Variants in GGN observed in about 807,000 individuals in gnomAD.
GGN encodes the protein gametogenetin.
GGN carries 27 observed loss-of-function variants against 35.5 expected under a neutral mutation model. That is an observed-to-expected ratio of 0.76 (90% CI 0.56 to 1.05). GGN has a LOEUF of 1.05. Among genes scored for constraint, GGN ranks in the 50% least tolerant of loss-of-function variants. The probability of loss-of-function intolerance (pLI) is 0.00; values close to 1 mark genes in which losing one functional copy is unlikely to be tolerated. For synonymous variants in GGN, 425 were observed against 444.1 expected (o/e 0.96, Z 0.54); for missense variants, 1,006 against 940.7 (o/e 1.07, Z -0.91).
At chr19:38,388,366 A>G (rs1303716814), upstream of GGN, 3 of 396,326 alleles carry the variant, frequency 7.6e-6, no homozygotes, top group African/African-American at 6.2e-5. Context: ...CCACTTGTGA[A>G]GGCTCCCCTC....
At position 38,387,244 on chromosome 19, in the gene GGN, C is replaced by A. The variant is rs751229297; in HGVS notation, c.18G>T (p.Ser6=). 12 of 1,595,352 alleles carry A rather than the reference C, an allele frequency of 7.5e-6. No individual in the cohort carries two copies. The South Asian group carries it at 1.4e-4, about 18-fold the overall frequency. The change falls in exon 3 of 4, where the codon TCG becomes TCT. Residue 6 remains serine, a synonymous_variant. Coordinates refer to ENST00000334928, the MANE Select transcript of GGN (RefSeq NM_152657.4). The surrounding 1 kb of genome is among the most constrained non-coding windows in gnomAD (Gnocchi z 5.3). MGNLQ[S]EPSAGGGSRK... The stretch of plus-strand genomic sequence containing the variant: ...GGGAGCCCCCGCCCGCGGATGGCTC[C>A]GACTGCAAGTTCCCCATTTCTGACG...
rs1229956076 is a variant in GGN, at chr19:38,385,722, G to A, written c.1540C>T (p.Pro514Ser). 2 of 1,608,126 alleles carry A rather than the reference G, an allele frequency of 1.2e-6. No homozygotes were observed. Among genetic ancestry groups the A allele is most frequent in the African/African-American group, 1.3e-5 (1 of 74,448 alleles). ...TTGATGGGCGCAGCCGCGGGTGCGG[G>A]CGCGGACACAGGCGGCGAGGGCTCA... is the stretch of plus-strand genomic sequence containing the variant. Reference protein sequence around the residue: ...VAEPSPPVSAPAPAAAPIKTR... With the variant: ...VAEPSPPVSASAPAAAPIKTR... Residue 514 changes from proline to serine, a missense_variant, in exon 3 of 4, where the codon CCC becomes TCC. Pro to Ser is a moderately conservative substitution (Grantham distance 74). Coordinates refer to ENST00000334928, the MANE Select transcript of GGN (RefSeq NM_152657.4).
chr19:38,385,725 C>T lies in GGN; in HGVS notation c.1537G>A (p.Ala513Thr), dbSNP rs1214717078. 4 of 1,607,974 alleles carry T rather than the reference C, an allele frequency of 2.5e-6. No homozygotes were observed. The highest frequency in any genetic ancestry group is 1.7e-6 in the Non-Finnish European group (2 of 1,177,868). The stretch of plus-strand genomic sequence containing the variant: ...ATGGGCGCAGCCGCGGGTGCGGGCG[C>T]GGACACAGGCGGCGAGGGCTCAGCC... The part of the protein sequence containing the change: ...TVAEPSPPVS[A>T]PAPAAAPIKT... Residue 513 changes from alanine to threonine, a missense_variant, in exon 3 of 4, where the codon GCG becomes ACG. Coordinates refer to ENST00000334928, the MANE Select transcript of GGN (RefSeq NM_152657.4).
chr19:38,385,854 C>G lies in GGN; in HGVS notation c.1408G>C (p.Gly470Arg). The change falls in exon 3 of 4, where the codon GGC (glycine) becomes CGC (arginine). Residue 470 changes from glycine to arginine, a missense_variant. Gly to Arg is a moderately radical substitution (Grantham distance 125). Transcript: ENST00000334928. ...GGAGCCAGGGCTGACTCCTTGTGGC[C>G]CAGACCCGGGGTGAGCGGGGGAGCC... ...PVAPPLTPGLGHKESALAPTA... is the reference protein window; with the variant it reads ...PVAPPLTPGLRHKESALAPTA... The G allele has an allele frequency of 6.5e-7, 1 of 1,543,118 alleles. No homozygotes were observed.
upstream of GGN, among the ~76,000 whole-genome samples, chr19:38,388,253 G>A (rs942050844): frequency 6.6e-6 from 1 of 151,362 alleles, no homozygotes; most frequent in Non-Finnish European, 1.5e-5. Context: ...CCCCCCGGGC[G>A]CCGAGAAGGC....
In GGN at chr19:38,385,936, C is replaced by T. The variant is rs373601877; in HGVS notation, c.1326G>A (p.Pro442=). 179 of 1,585,204 alleles carry T rather than the reference C, an allele frequency of 1.1e-4. No individual in the cohort carries two copies. Among genetic ancestry groups the T allele is most frequent in the Non-Finnish European group, 1.4e-4 (169 of 1,167,268 alleles). The change falls in exon 3 of 4, where the codon CCG becomes CCA. Residue 442 remains proline (P), a synonymous_variant. Coordinates refer to ENST00000334928, the MANE Select transcript of GGN (RefSeq NM_152657.4). ...GCTGCAGTGTGGGCGGCGGTGTGGG[C>T]GGTGGCAGCGGTGGTAACTCCTGCA... ...PGLQELPPLP[P]PTPPPTLQPP...
At position 38,386,340 on chromosome 19, in the gene GGN, C is replaced by T; in HGVS notation, c.922G>A (p.Gly308Arg). ...TCACCTCCCTCGGCTTCCTGTGCCCCTCGAGAAACCTCTCCCAAGGGGCGA... is the reference window on the plus strand; with the variant it reads ...TCACCTCCCTCGGCTTCCTGTGCCCTTCGAGAAACCTCTCCCAAGGGGCGA... ...AARPLGEVSRGAQEAEGGDGD... is the reference protein window; with the variant it reads ...AARPLGEVSRRAQEAEGGDGD... Residue 308 changes from glycine to arginine, a missense_variant, in exon 3 of 4, where the codon GGG becomes AGG. By Grantham distance (125) the Gly-to-Arg change is moderately radical. Transcript: ENST00000334928. The T allele has an allele frequency of 6.2e-7, 1 of 1,612,560 alleles. No individual in the cohort carries two copies. The highest frequency in any genetic ancestry group is 1.7e-5 in the Admixed American group (1 of 59,892).
In GGN at chr19:38,387,177, T is replaced by G; in HGVS notation, c.85A>C (p.Thr29Pro). 1 of 1,589,078 alleles carries G rather than the reference T, an allele frequency of 6.3e-7. No homozygotes were observed. Among genetic ancestry groups the G allele is most frequent in the Non-Finnish European group, 8.6e-7 (1 of 1,167,990 alleles). Residue 29 changes from threonine to proline, a missense_variant, in exon 3 of 4, where the codon ACG (threonine) becomes CCG (proline). Thr to Pro is a conservative substitution (Grantham distance 38, BLOSUM62 -1). Transcript: ENST00000334928. The surrounding 1 kb of genome is among the most constrained non-coding windows in gnomAD (Gnocchi z 5.3). ...GTCATCTCGGGCTCCACCAGGGACG[T>G]CCGGCGGGAGTCGGGGGCGCGGTCC... The part of the protein sequence containing the change: ...PSDRAPDSRR[T>P]SLVEPEMTSQ...
Position 38,387,011 on chromosome 19 carries a change from A to G in GGN, c.251T>C (p.Met84Thr), listed in dbSNP as rs1240901714. 28 of 1,541,986 alleles carry G rather than the reference A, an allele frequency of 1.8e-5. No individual in the cohort carries two copies. Among genetic ancestry groups the G allele is most frequent in the Non-Finnish European group, 2.3e-5 (26 of 1,143,096 alleles). ...PLTLERPSPV[M>T]PPPEEAAAVS... Reference sequence around the variant, plus strand: ...CGCGGCCGCCTCTTCAGGAGGGGGCATCACTGGAGAGGGCCGTTCTAAGGT... The same window carrying G: ...CGCGGCCGCCTCTTCAGGAGGGGGCGTCACTGGAGAGGGCCGTTCTAAGGT... The change falls in exon 3 of 4, where the codon ATG (methionine) becomes ACG (threonine). Residue 84 changes from methionine to threonine, a missense_variant. By Grantham distance (81) the Met-to-Thr change is moderately conservative (BLOSUM62 -1). Transcript: ENST00000334928. This position sits in a 1 kb window ranked among gnomAD's most constrained non-coding sequence, Gnocchi z 5.3.
chr19:38,385,598 G>T lies in GGN; in HGVS notation c.1664C>A (p.Thr555Asn), dbSNP rs535213362. The T allele has an allele frequency of 6.2e-6, 10 of 1,614,176 alleles. No individual in the cohort carries two copies. The African/African-American group carries it at 8.0e-5, about 13-fold the overall frequency. The change falls in exon 3 of 4, where the codon ACC becomes AAC. Residue 555 changes from threonine to asparagine, a missense_variant. Coordinates refer to ENST00000334928, the MANE Select transcript of GGN (RefSeq NM_152657.4). ...CCCTCCACCACTGCTGTCAGGCACG[G>T]TAGCTGTAGCTCGTTCGCGAGGACC... ...GDGPRERATATVPDSSGGGGG... is the reference protein window; with the variant it reads ...GDGPRERATANVPDSSGGGGG...
chr19:38,384,577 C>T, intron 3 of GGN, 48 bp from the exon 4 acceptor site: 1 of 1,407,694 alleles, frequency 7.1e-7, no homozygotes, highest in African/African-American at 1.4e-5. Context: ...GGGACCAGGC[C>T]TCTAGCCCTT....
upstream of GGN, chr19:38,388,134 C>G (rs1354752550): frequency 5.7e-6 from 1 of 175,810 alleles, no homozygotes; most frequent in East Asian, 1.6e-4. Flanking sequence ...AACACCGATG[C>G]GTCGCTCCTC....
rs896379598 is a variant in GGN at position 38,387,663 on chromosome 19, T to C, written c.-20+98A>G. 1.1e-4 allele frequency: 21 copies of C among 184,982 alleles called. No individual in the cohort carries two copies. Among genetic ancestry groups the C allele is most frequent in the African/African-American group, 5.0e-4 (21 of 42,380 alleles). 11.5% of individuals were successfully genotyped at this position (184,982 alleles called of 1,614,324 possible). A position where few individuals can be genotyped will look rare whatever the true frequency, so the allele number is the denominator to read the frequency against. ...CCTCAGGCCTCACCCCTAAACCTCT[T>C]CCCGCTCCAGGTCTACTAGCTGGCA... On this transcript the variant is annotated intron_variant, in intron 2 of 3. Coordinates refer to ENST00000334928, the MANE Select transcript of GGN (RefSeq NM_152657.4). The surrounding 1 kb of genome is among the most constrained non-coding windows in gnomAD (Gnocchi z 5.3).
intron 3 of GGN, 140 bp downstream of exon 3, chr19:38,385,281 G>T: frequency 8.6e-7 from 1 of 1,168,046 alleles, no homozygotes; most frequent in Non-Finnish European, 1.2e-6. Flanking sequence ...TGGTCCTGAA[G>T]GGTGGGAGCT....
chr19:38,385,548 T>C lies in GGN; in HGVS notation c.1714A>G (p.Thr572Ala), dbSNP rs1414344057. 1 of 1,614,072 alleles carries C rather than the reference T, an allele frequency of 6.2e-7. No homozygotes were observed. Among genetic ancestry groups the C allele is most frequent in the South Asian group, 1.1e-5 (1 of 91,076 alleles). Residue 572 changes from threonine (T) to alanine (A), a missense_variant, in exon 3 of 4, where the codon ACT becomes GCT. Physicochemically the swap from Thr to Ala is moderately conservative, Grantham distance 58 (BLOSUM62 0). Coordinates refer to ENST00000334928, the MANE Select transcript of GGN (RefSeq NM_152657.4). ...GCAGCGCGGGTGTTAGCTGCCCCAG[T>C]CTGAGAGGCCCCGCTGCCACCACCC... ...GGGGGSGASQTGAANTRAARH... is the reference protein window; with the variant it reads ...GGGGGSGASQAGAANTRAARH...
In GGN at chr19:38,385,544, CCA is replaced by C. The variant is rs1568390324; in HGVS notation, c.1716_1717del (p.Ala574SerfsTer2). The C allele has an allele frequency of 6.2e-7, 1 of 1,614,088 alleles. No homozygotes were observed. ...GCGCGCAGCGCGGGTGTTAGCTGCC[CCA>C]GTCTGAGAGGCCCCGCTGCCACCAC... On this transcript the variant is annotated frameshift_variant, in exon 3 of 4. Coordinates refer to ENST00000334928, the MANE Select transcript of GGN (RefSeq NM_152657.4). LOFTEE classifies it high-confidence loss of function.
Position 38,386,556 on chromosome 19 carries a change from C to G in GGN, c.706G>C (p.Glu236Gln), listed in dbSNP as rs1049423842. 6 of 1,613,606 alleles carry G rather than the reference C, an allele frequency of 3.7e-6. No homozygotes were observed. The highest frequency in any genetic ancestry group is 5.1e-6 in the Non-Finnish European group (6 of 1,179,962). ...EGEMAQPADS[E>Q]SGLSLLCKIT... is the part of the protein sequence containing the mutation. ...TTACACAGCAGGCTCAGACCGGACT[C>G]GGAATCCGCAGGCTGGGCCATTTCG... The change falls in exon 3 of 4, where the codon GAG becomes CAG. Residue 236 changes from glutamate (E) to glutamine (Q), a missense_variant. Transcript: ENST00000334928.
chr19:38,385,794 C>A lies in GGN; in HGVS notation c.1468G>T (p.Ala490Ser). Residue 490 changes from alanine (A) to serine (S), a missense_variant, in exon 3 of 4, where the codon GCC becomes TCC. By Grantham distance (99) the Ala-to-Ser change is moderately conservative. Coordinates refer to ENST00000334928, the MANE Select transcript of GGN (RefSeq NM_152657.4). ...AAPALPPALA[A>S]DQAPAPSPAP... is the part of the protein sequence containing the mutation. ...GGGGATGGGGCCGGGGCCTGGTCGG[C>A]GGCTAAGGCTGGGGGCAGAGCAGGG... The A allele has an allele frequency of 6.6e-7, 1 of 1,513,560 alleles. No individual in the cohort carries two copies. The highest frequency in any genetic ancestry group is 8.8e-7 in the Non-Finnish European group (1 of 1,141,798). 93.8% of individuals were successfully genotyped at this position (1,513,560 alleles called of 1,614,324 possible). A position where few individuals can be genotyped will look rare whatever the true frequency, so the allele number is the denominator to read the frequency against.
Position 38,386,938 on chromosome 19 carries a change from CG to C in GGN, c.323del (p.Pro108ArgfsTer35). On this transcript the variant is annotated frameshift_variant, in exon 3 of 4. Coordinates refer to ENST00000334928, the MANE Select transcript of GGN (RefSeq NM_152657.4). LOFTEE classifies it high-confidence loss of function. Reference protein sequence around the residue: ...PAPAGTLLPGPSKWQKPAGTP... With the variant: ...PAPAGTLLPGXSKWQKPAGTP... ...TGCCCGCGGGCTTTTGCCATTTAGACGGGCCGGGCAGCAGAGTCCCCGCGGG... is the reference window on the plus strand; with the variant it reads ...TGCCCGCGGGCTTTTGCCATTTAGACGGCCGGGCAGCAGAGTCCCCGCGGG... 6.5e-7 allele frequency: 1 copy of C among 1,545,856 alleles called. No individual in the cohort carries two copies. The highest frequency in any genetic ancestry group is 8.7e-7 in the Non-Finnish European group (1 of 1,146,102).
Sources: gnomAD v4.1 joint callset for allele counts (sites outside exome capture counted in the v4.1 genomes callset) on GRCh38, gnomAD v4.1.1 for gene constraint, Gnocchi (gnomAD v3.1) non-coding constraint, MANE v1.5 for transcripts, NCBI Gene and HGNC (gene_info 2026-07-23, HGNC 2026-07-21) for gene names.